PI4K2B: variants seen among roughly 807,000 people sequenced by gnomAD.
PI4K2B encodes the protein phosphatidylinositol 4-kinase type 2-beta.
PI4K2B carries 46 observed loss-of-function variants against 56.6 expected under a neutral mutation model. That is an observed-to-expected ratio of 0.81 (90% CI 0.64 to 1.04). The LOEUF (loss-of-function observed/expected upper bound fraction) is 1.04. PI4K2B is among the 50% of genes least tolerant of loss of function. The pLI, the probability that PI4K2B is intolerant of heterozygous loss-of-function variation, is 0.00. For missense variants in PI4K2B, 556 were observed against 607.7 expected, an observed-to-expected ratio of 0.91 and a Z score of 0.89; for synonymous variants, 211 against 223.8, an observed-to-expected ratio of 0.94 and a Z score of 0.51.
At chr4:25,268,695 A>G in intron 8 of PI4K2B, 119 bp downstream of exon 8, 1 of 649,548 alleles carries the variant, frequency 1.5e-6, no homozygotes, top group Non-Finnish European at 2.5e-6. Context: ...ATAAAACCTG[A>G]CAGGACAGAG....
chr4:25,244,697 T>C (rs1715684330), intron 1 of PI4K2B, among the ~76,000 whole-genome samples: 1 of 152,172 alleles, frequency 6.6e-6, no homozygotes, highest in Non-Finnish European at 1.5e-5. Flanking sequence ...GCCTGCAGTT[T>C]TGGTTTGTTT....
chr4:25,255,799 G>A (rs539135609), intron 3 of PI4K2B, among the ~76,000 whole-genome samples: 1 of 150,808 alleles, frequency 6.6e-6, no homozygotes, highest in East Asian at 2.0e-4. Context: ...GCTCACTGCA[G>A]CCTCATCCTG....
intron 1 of PI4K2B, among the ~76,000 whole-genome samples, chr4:25,245,750 G>T (rs2109089241): frequency 1.3e-5 from 2 of 152,282 alleles, no homozygotes; most frequent in African/African-American, 4.8e-5. Context: ...GGTGATAGGT[G>T]ACAGTCTCAC....
At chr4:25,246,906 C>G (rs1342906591) in intron 1 of PI4K2B, among the ~76,000 whole-genome samples, 1 of 152,216 alleles carries the variant, frequency 6.6e-6, no homozygotes, top group Non-Finnish European at 1.5e-5. Context: ...CCGGCTGCTC[C>G]CAGTGTGGGG....
chr4:25,250,047 G>A (rs1207169523), intron 1 of PI4K2B, among the ~76,000 whole-genome samples: 33 of 152,160 alleles, frequency 2.2e-4, no homozygotes, highest in African/African-American at 7.7e-4. Flanking sequence ...GCGAAACCCC[G>A]TCTCCACCAA....
chr4:25,260,030 G>A (rs1716402329), intron 5 of PI4K2B, among the ~76,000 whole-genome samples: 1 of 152,082 alleles, frequency 6.6e-6, no homozygotes, highest in South Asian at 2.1e-4. Flanking sequence ...GAGAACCACT[G>A]GTTCAAAATG....
chr4:25,240,225 G>A (rs62411604), intron 1 of PI4K2B, among the ~76,000 whole-genome samples: 37 of 152,222 alleles, frequency 2.4e-4, no homozygotes, highest in South Asian at 1.0e-3. Flanking sequence ...GTGGCATCTC[G>A]TACTGGTTAG....
chr4:25,239,724 T>G (rs957506586), intron 1 of PI4K2B, among the ~76,000 whole-genome samples: 1 of 151,926 alleles, frequency 6.6e-6, no homozygotes, highest in Admixed American at 6.6e-5. Context: ...GCGGCCAGAG[T>G]GGGCGCCGAG....
intron 9 of PI4K2B, among the ~76,000 whole-genome samples, chr4:25,274,786 C>T (rs1242732048): frequency 2.6e-5 from 4 of 151,988 alleles, no homozygotes. Flanking sequence ...TGTAGAGCAA[C>T]TTCCGTTTTC....
At chr4:25,248,263 G>A (rs1260405303) in intron 1 of PI4K2B, among the ~76,000 whole-genome samples, 3 of 152,106 alleles carry the variant, frequency 2.0e-5, no homozygotes, top group Admixed American at 6.6e-5. Context: ...CATTTTAAAG[G>A]ACCAGTAATA....
At chr4:25,247,852 T>C (rs577429214) in intron 1 of PI4K2B, among the ~76,000 whole-genome samples, 3 of 152,202 alleles carry the variant, frequency 2.0e-5, no homozygotes, top group African/African-American at 7.2e-5. Flanking sequence ...TACAGGTACA[T>C]GCCACTATAC....
chr4:25,256,578 T>C lies in PI4K2B; in HGVS notation c.660T>C (p.Asn220=), dbSNP rs1461107798. 3 of 1,613,878 alleles carry C rather than the reference T, an allele frequency of 1.9e-6. No homozygotes were observed. The highest frequency in any genetic ancestry group is 1.7e-4 in the Middle Eastern group (1 of 6,046). Residue 220 remains asparagine, a synonymous_variant, in exon 4 of 10, where the codon AAT becomes AAC. Coordinates refer to ENST00000264864, the MANE Select transcript of PI4K2B (RefSeq NM_018323.4). ...TTGTCAGTGAGACATTTAACTATAA[T>C]GCGATTGACCGTGCAAAATCAAGAG... ...VWLVSETFNY[N]AIDRAKSRGK... is the part of the protein sequence containing the mutation.
chr4:25,256,518 A>T, intron 3 of PI4K2B, 25 bp from the exon 4 acceptor site: 1 of 1,598,582 alleles, frequency 6.3e-7, no homozygotes, highest in Non-Finnish European at 8.5e-7. Context: ...AATTCTAACC[A>T]TTTTTCTGAA....
chr4:25,248,705 A>G lies in PI4K2B; in HGVS notation c.269-3616A>G, dbSNP rs368470434. Among the ~76,000 whole-genome samples the G allele has an allele frequency of 6.1e-4, 93 of 152,056 alleles. 3 individuals are homozygous for G. The South Asian group carries it at 0.019, about 31-fold the overall frequency. ...GTTTTGAGTTTTTTTGTTATTATGC[A>G]TTGTTAACATGTACATTAAAATTTT... On this transcript the variant is annotated intron_variant, in intron 1 of 9. Transcript: ENST00000264864.
At chr4:25,267,000 T>C (rs1408100121) in intron 7 of PI4K2B, among the ~76,000 whole-genome samples, 1 of 152,124 alleles carries the variant, frequency 6.6e-6, no homozygotes, top group African/African-American at 2.4e-5. Flanking sequence ...GAGGAAAAAC[T>C]AGCAAAAGAG....
intron 1 of PI4K2B, among the ~76,000 whole-genome samples, chr4:25,236,222 T>G (rs1577672268): frequency 9.3e-6 from 1 of 107,522 alleles, no homozygotes; most frequent in African/African-American, 3.3e-5. Flanking sequence ...AATAAATAAA[T>G]AAATAAATAA....
At chr4:25,262,659 T>C (rs1227548788) in intron 6 of PI4K2B, among the ~76,000 whole-genome samples, 8 of 152,338 alleles carry the variant, frequency 5.3e-5, no homozygotes, top group Non-Finnish European at 1.2e-4. Context: ...ACTTTTAACT[T>C]TATTCTGTTT....
chr4:25,249,539 G>T (rs1300062849), intron 1 of PI4K2B, among the ~76,000 whole-genome samples: 2 of 150,608 alleles, frequency 1.3e-5, no homozygotes, highest in Non-Finnish European at 1.5e-5. Context: ...TCACTTCCCA[G>T]ATGGGGCGGC....
chr4:25,244,965 C>A (rs557425326), intron 1 of PI4K2B, among the ~76,000 whole-genome samples: 1 of 152,216 alleles, frequency 6.6e-6, no homozygotes, highest in East Asian at 1.9e-4. Flanking sequence ...TGTTATGCCC[C>A]AAAAATGAAG....
Sources: allele counts gnomAD v4.1 joint callset (sites outside exome capture counted in the v4.1 genomes callset), GRCh38; gene constraint gnomAD v4.1.1; transcripts MANE v1.5; gene names NCBI Gene and HGNC (gene_info 2026-07-23, HGNC 2026-07-21).